Variants in CELF2 observed in about 807,000 individuals in gnomAD.
CELF2 encodes the protein CUG triplet repeat RNA-binding protein 2.
In CELF2, 8 loss-of-function variants were observed where a neutral mutation model predicts 62.6. The ratio of observed to expected loss-of-function variants is 0.13; its 90% CI spans 0.07 to 0.23. CELF2 has a LOEUF of 0.23. Ranked by LOEUF, CELF2 falls within the 10% of genes least tolerant of loss-of-function variation. CELF2 has a pLI of 1.00. For missense variants in CELF2, 333 were observed against 671.0 expected, an observed-to-expected ratio of 0.50 and a Z score of 5.56; for synonymous variants, 258 against 250.0, an observed-to-expected ratio of 1.03 and a Z score of -0.30.
the CELF2 span, among the ~76,000 whole-genome samples, chr10:10,723,234 A>G: frequency 7.9e-5 from 12 of 152,156 alleles, no homozygotes; most frequent in Admixed American, 3.3e-4. Context: ...AATGGGAAGC[A>G]TTGCGCTGTG....
At chr10:10,467,941 A>G in the CELF2 span, among the ~76,000 whole-genome samples, 1 of 152,086 alleles carries the variant, frequency 6.6e-6, no homozygotes, top group Non-Finnish European at 1.5e-5. Flanking sequence ...GATACCAGCC[A>G]CTTAGTTTAT....
chr10:10,792,559 A>G, the CELF2 span: 2 of 397,184 alleles, frequency 5.0e-6, no homozygotes, highest in South Asian at 1.3e-4. Context: ...AGAACAATCT[A>G]AAGCTGCCAT....
At chr10:10,679,876 G>T in the CELF2 span, among the ~76,000 whole-genome samples, 8 of 152,146 alleles carry the variant, frequency 5.3e-5, no homozygotes, top group Non-Finnish European at 1.0e-4. Context: ...CTCTGGTATA[G>T]GTGAATGCTT....
At chr10:10,932,586 G>T (rs1230041489) in intron 2 of CELF2, among the ~76,000 whole-genome samples, 1 of 151,896 alleles carries the variant, frequency 6.6e-6, no homozygotes, top group East Asian at 1.9e-4. Flanking sequence ...AGAACCAAAT[G>T]GTTCAAAAGT....
At chr10:10,738,966 G>A in the CELF2 span, among the ~76,000 whole-genome samples, 4 of 152,196 alleles carry the variant, frequency 2.6e-5, no homozygotes, top group East Asian at 7.7e-4. Context: ...ACTGGGCATG[G>A]GGTATATGGG....
At chr10:10,637,032 A>G in the CELF2 span, among the ~76,000 whole-genome samples, 1 of 152,176 alleles carries the variant, frequency 6.6e-6, no homozygotes, top group Non-Finnish European at 1.5e-5. Context: ...CATGGTAATT[A>G]TATATATGAG....
At chr10:10,499,818 C>T in the CELF2 span, among the ~76,000 whole-genome samples, 1 of 152,166 alleles carries the variant, frequency 6.6e-6, no homozygotes, top group Non-Finnish European at 1.5e-5. Context: ...ATGGAGGTTG[C>T]AGTGAGCTGA....
chr10:10,880,245 G>A (rs1248838708), intron 1 of CELF2, among the ~76,000 whole-genome samples: 2 of 152,174 alleles, frequency 1.3e-5, no homozygotes, highest in Non-Finnish European at 2.9e-5. Context: ...CTACCAGGGA[G>A]GAGAAACATG....
At chr10:10,537,145 C>A in the CELF2 span, among the ~76,000 whole-genome samples, 1 of 152,134 alleles carries the variant, frequency 6.6e-6, no homozygotes, top group East Asian at 1.9e-4. Context: ...GCCTGGAAGT[C>A]TCCTTCTAGC....
intron 1 of CELF2, among the ~76,000 whole-genome samples, chr10:11,153,082 C>T (rs899611944): frequency 3.9e-5 from 6 of 152,218 alleles, no homozygotes; most frequent in African/African-American, 9.6e-5. Flanking sequence ...TTCTGAATGT[C>T]AGCTAAAGCC....
At chr10:10,871,652 TC>T (rs576813744) in intron 1 of CELF2, among the ~76,000 whole-genome samples, 4 of 151,918 alleles carry the variant, frequency 2.6e-5, no homozygotes, top group South Asian at 4.2e-4. Context: ...AAGAAAGAAA[TC>T]CCAATTCAGG....
chr10:10,699,627 C>T, the CELF2 span, among the ~76,000 whole-genome samples: 1 of 152,128 alleles, frequency 6.6e-6, no homozygotes, highest in Non-Finnish European at 1.5e-5. Context: ...GGTGAGGAAG[C>T]ACCTCGCAGA....
chr10:10,609,128 G>A, the CELF2 span, among the ~76,000 whole-genome samples: 9 of 152,114 alleles, frequency 5.9e-5, no homozygotes, highest in Non-Finnish European at 8.8e-5. Context: ...CTTAGTGTTC[G>A]TCTAGTGTAC....
At chr10:10,840,283 C>A (rs139417670) in intron 1 of CELF2, among the ~76,000 whole-genome samples, 226 of 152,322 alleles carry the variant, frequency 1.5e-3, no homozygotes, top group Non-Finnish European at 2.6e-3. Context: ...GAGAAACTGG[C>A]AAACTGTCTT....
At chr10:10,875,461 A>C (rs777858176) in intron 1 of CELF2, among the ~76,000 whole-genome samples, 35 of 152,160 alleles carry the variant, frequency 2.3e-4, no homozygotes, top group Non-Finnish European at 1.2e-4. Context: ...TTCAGCCTTA[A>C]AATTATAAAA....
At chr10:11,114,020 A>G (rs937672753) in intron 1 of CELF2, among the ~76,000 whole-genome samples, 1 of 152,220 alleles carries the variant, frequency 6.6e-6, no homozygotes, top group African/African-American at 2.4e-5. Flanking sequence ...CAATTAAAGT[A>G]GTAATTGGGC....
At chr10:10,773,458 A>T in the CELF2 span, among the ~76,000 whole-genome samples, 2 of 152,226 alleles carry the variant, frequency 1.3e-5, no homozygotes, top group African/African-American at 4.8e-5. Flanking sequence ...AAATTCCTGT[A>T]GGCATTTATA....
rs936353935 is a variant in CELF2 at position 11,211,241 on chromosome 10, T to A, written c.272-6184T>A. Among the ~76,000 whole-genome samples the A allele has an allele frequency of 6.6e-6, 1 of 152,370 alleles. No individual in the cohort carries two copies. Among genetic ancestry groups the A allele is most frequent in the South Asian group, 2.1e-4 (1 of 4,832 alleles). On this transcript the variant is annotated intron_variant, in intron 2 of 12. Transcript: ENST00000633077. This position sits in a 1 kb window ranked among gnomAD's most constrained non-coding sequence, Gnocchi z 4.8. The stretch of plus-strand genomic sequence containing the variant: ...TTAAAGTGAACTATGATTGCACCAC[T>A]GCACTCTAACCTGGGGAACAGAGTG...
At chr10:10,625,338 C>T in the CELF2 span, among the ~76,000 whole-genome samples, 4 of 152,202 alleles carry the variant, frequency 2.6e-5, no homozygotes, top group African/African-American at 4.8e-5. Context: ...CCTTGTACTA[C>T]GGGCAGCTGC....
Sources: gnomAD v4.1 joint callset for allele counts (sites outside exome capture counted in the v4.1 genomes callset) on GRCh38, gnomAD v4.1.1 for gene constraint, Gnocchi (gnomAD v3.1) non-coding constraint, MANE v1.5 for transcripts, NCBI Gene and HGNC (gene_info 2026-07-23, HGNC 2026-07-21) for gene names.